Variants in LIPI observed in about 807,000 individuals in gnomAD.
LIPI encodes lipase member I.
LIPI carries 59 observed loss-of-function variants against 50.6 expected under a neutral mutation model. The ratio of observed to expected loss-of-function variants is 1.16; its 90% CI spans 0.94 to 1.45. LIPI has a LOEUF of 1.45. Among genes scored for constraint, LIPI ranks in the 40% most tolerant of loss-of-function variants. LIPI has a pLI of 0.00. For synonymous variants in LIPI, 203 were observed against 178.2 expected, an observed-to-expected ratio of 1.14 and a Z score of -1.11; for missense variants, 586 against 536.3, an observed-to-expected ratio of 1.09 and a Z score of -0.92.
chr21:14,131,617 T>C (rs560710007), intron 9 of LIPI, among the ~76,000 whole-genome samples: 3 of 152,234 alleles, frequency 2.0e-5, no homozygotes, highest in Non-Finnish European at 2.9e-5. Context: ...CTACACCAGA[T>C]GTGTAGATAT....
chr21:14,192,415 G>A (rs541187302), intron 1 of LIPI, among the ~76,000 whole-genome samples: 3 of 152,218 alleles, frequency 2.0e-5, no homozygotes, highest in African/African-American at 7.2e-5. Context: ...CAGTGACCGA[G>A]TTCACACCAC....
At chr21:14,144,396 A>AT in intron 9 of LIPI, 1 of 373,148 alleles carries the variant, frequency 2.7e-6, no homozygotes, top group Non-Finnish European at 4.9e-6. Flanking sequence ...CTGTGAAATG[A>AT]TTGTGTGTAT....
At chr21:14,185,238 C>T (rs1194164411) in intron 3 of LIPI, among the ~76,000 whole-genome samples, 1 of 152,136 alleles carries the variant, frequency 6.6e-6, no homozygotes, top group African/African-American at 2.4e-5. Flanking sequence ...TTGGATGCAA[C>T]TCCTGATTCT....
intron 9 of LIPI, among the ~76,000 whole-genome samples, chr21:14,122,235 CTTA>C (rs1424445703): frequency 2.6e-5 from 4 of 152,076 alleles, no homozygotes; most frequent in African/African-American, 4.8e-5. Context: ...TTATATCAAA[CTTA>C]TTATTAGTGT....
chr21:14,120,357 G>C (rs1231066081), intron 9 of LIPI, among the ~76,000 whole-genome samples: 2 of 152,152 alleles, frequency 1.3e-5, no homozygotes, highest in Non-Finnish European at 2.9e-5. Context: ...GAGAAAGTCA[G>C]CGAATATCTA....
chr21:14,161,349 A>G (rs969879938), intron 7 of LIPI, among the ~76,000 whole-genome samples: 2 of 145,042 alleles, frequency 1.4e-5, no homozygotes, highest in Non-Finnish European at 3.0e-5. Context: ...TATATATAAT[A>G]TATAGTAATA....
intron 9 of LIPI, among the ~76,000 whole-genome samples, chr21:14,135,341 C>G (rs1028876978): frequency 6.6e-6 from 1 of 152,042 alleles, no homozygotes; most frequent in East Asian, 1.9e-4. Context: ...CCTTCATAAC[C>G]AAAAAATCAG....
intron 8 of LIPI, among the ~76,000 whole-genome samples, chr21:14,150,061 T>C (rs2018036628): frequency 1.3e-5 from 2 of 152,130 alleles, no homozygotes; most frequent in Non-Finnish European, 2.9e-5. Context: ...CTAGCAGAGG[T>C]TCTCCATGAG....
intron 9 of LIPI, among the ~76,000 whole-genome samples, chr21:14,119,702 A>T (rs2016790779): frequency 6.6e-6 from 1 of 152,224 alleles, no homozygotes; most frequent in African/African-American, 2.4e-5. Context: ...AAGGCCTTTT[A>T]CCTGTATGTT....
chr21:14,201,390 A>G (rs2020047000), intron 1 of LIPI, among the ~76,000 whole-genome samples: 1 of 151,946 alleles, frequency 6.6e-6, no homozygotes, highest in Non-Finnish European at 1.5e-5. Flanking sequence ...GAATCTATAA[A>G]TCTATAAGGA....
intron 1 of LIPI, among the ~76,000 whole-genome samples, chr21:14,202,590 C>T (rs1047093660): frequency 6.6e-6 from 1 of 152,120 alleles, no homozygotes; most frequent in African/African-American, 2.4e-5. Flanking sequence ...GGAAAGGATT[C>T]CCTATTTAAT....
chr21:14,133,708 A>G (rs959325496), intron 9 of LIPI, among the ~76,000 whole-genome samples: 7 of 152,214 alleles, frequency 4.6e-5, no homozygotes, highest in African/African-American at 1.7e-4. Context: ...CTGATGATAT[A>G]TGCTTATATC....
chr21:14,124,095 G>A (rs950508575), intron 9 of LIPI, among the ~76,000 whole-genome samples: 1 of 152,126 alleles, frequency 6.6e-6, no homozygotes, highest in African/African-American at 2.4e-5. Context: ...GCTATAATTG[G>A]AGGATGTCTA....
rs540096586 is a variant in LIPI at position 14,200,786 on chromosome 21, A to C, written c.46+10014T>G. ...ACTATTTTAAAATTCACATGGAACC[A>C]AAAAAGGGCCCAAATAGCCAAGGCA... On this transcript the variant is annotated intron_variant, in intron 1 of 9. Transcript: ENST00000681601. Among the ~76,000 whole-genome samples the C allele has an allele frequency of 2.0e-5, 3 of 152,216 alleles. No individual in the cohort carries two copies. In the East Asian group the frequency reaches 5.8e-4, roughly 29 times the overall value.
At position 14,144,687 on chromosome 21, in the gene LIPI, G is replaced by A. The variant is rs1275449044; in HGVS notation, c.1231C>T (p.Gln411Ter). 6.3e-7 allele frequency: 1 copy of A among 1,580,936 alleles called. No homozygotes were observed. Among genetic ancestry groups the A allele is most frequent in the South Asian group, 1.1e-5 (1 of 90,320 alleles). ...ATCTTGTATGTGCATGTGGAACACT[G>A]CAGATTTGAGCTCTGGAAATATGTC... ...GLTYFQSSNLQCSTCTYKIQS... is the reference protein window; with the variant it reads ...GLTYFQSSNL Residue 411 changes from glutamine (Q) to a stop codon, truncating the protein, a stop_gained, in exon 9 of 10, where the codon CAG (glutamine) becomes TAG (stop). Coordinates refer to ENST00000681601, the MANE Select transcript of LIPI (RefSeq NM_001302998.2). LOFTEE classifies it high-confidence loss of function.
chr21:14,188,625 T>G (rs1035623542), intron 2 of LIPI, among the ~76,000 whole-genome samples: 1 of 151,358 alleles, frequency 6.6e-6, no homozygotes, highest in Non-Finnish European at 1.5e-5. Context: ...CACACTCGAT[T>G]ATATGCAAAT....
rs1197206580 is a variant in LIPI at position 14,210,782 on chromosome 21, TATTA to T, written c.46+14_46+17del. 5.8e-6 allele frequency: 6 copies of T among 1,037,366 alleles called. No individual in the cohort carries two copies. Among genetic ancestry groups the T allele is most frequent in the Non-Finnish European group, 7.5e-6 (6 of 797,264 alleles). The allele number at this position is 1,037,366 out of a possible 1,614,324, so 64.3% of individuals were successfully genotyped here. A position where few individuals can be genotyped will look rare whatever the true frequency, so the allele number is the denominator to read the frequency against. ...TGCAATTTTTAAAGATAAATCAAAT[TATTA>T]ATTAATATCTTACCAGATCTCACCC... is the stretch of plus-strand genomic sequence containing the variant. On this transcript the variant is annotated intron_variant, in intron 1 of 9. Coordinates refer to ENST00000681601, the MANE Select transcript of LIPI (RefSeq NM_001302998.2).
At chr21:14,117,217 C>G (rs1245728456) in intron 9 of LIPI, among the ~76,000 whole-genome samples, 1 of 152,162 alleles carries the variant, frequency 6.6e-6, no homozygotes, top group Non-Finnish European at 1.5e-5. Flanking sequence ...AAGCCCTTCT[C>G]TACTACAGAC....
chr21:14,117,663 ACT>A (rs1408946928), intron 9 of LIPI, among the ~76,000 whole-genome samples: 2 of 152,078 alleles, frequency 1.3e-5, no homozygotes, highest in Non-Finnish European at 2.9e-5. Context: ...AGGCTTACTG[ACT>A]CTACACACCT....
Sources: allele counts gnomAD v4.1 joint callset (sites outside exome capture counted in the v4.1 genomes callset), GRCh38; gene constraint gnomAD v4.1.1; transcripts MANE v1.5; gene names NCBI Gene and HGNC (gene_info 2026-07-23, HGNC 2026-07-21).